CDH4: variants seen among roughly 807,000 people sequenced by gnomAD.
CDH4 encodes the protein cadherin 4.
Under a neutral mutation model 86.0 loss-of-function variants are expected in CDH4, and 33 were observed. The observed-to-expected ratio is 0.38, with a 90% confidence interval of 0.29 to 0.51. The LOEUF (loss-of-function observed/expected upper bound fraction) is 0.51. Ranked by LOEUF, CDH4 falls within the 20% of genes least tolerant of loss-of-function variation. The probability of loss-of-function intolerance (pLI) is 0.86; values close to 1 mark genes in which losing one functional copy is unlikely to be tolerated. For missense variants in CDH4, 1,114 were observed against 1,307.4 expected, an observed-to-expected ratio of 0.85 and a Z score of 2.28; for synonymous variants, 555 against 549.4, an observed-to-expected ratio of 1.01 and a Z score of -0.14.
intron 2 of CDH4, among the ~76,000 whole-genome samples, chr20:61,405,160 C>A (rs920542814): frequency 6.6e-6 from 1 of 152,024 alleles, no homozygotes; most frequent in East Asian, 1.9e-4. Flanking sequence ...GAGAGGTCCT[C>A]CATCCCCTCC....
intron 2 of CDH4, among the ~76,000 whole-genome samples, chr20:61,697,006 G>A (rs947790185): frequency 2.0e-5 from 3 of 152,174 alleles, no homozygotes; most frequent in African/African-American, 7.2e-5. Flanking sequence ...GAGCTCCCAG[G>A]GGCTGGAAGA....
intron 2 of CDH4, among the ~76,000 whole-genome samples, chr20:61,371,584 A>G (rs1406693752): frequency 6.6e-6 from 1 of 152,152 alleles, no homozygotes; most frequent in Non-Finnish European, 1.5e-5. Flanking sequence ...CTCATTCTGC[A>G]TTTGAACAAT....
intron 2 of CDH4, among the ~76,000 whole-genome samples, chr20:61,561,638 T>C (rs183638445): frequency 3.9e-5 from 6 of 152,234 alleles, no homozygotes; most frequent in Admixed American, 3.9e-4. Context: ...TGCCTGTTTT[T>C]ACAAATAAAG....
intron 2 of CDH4, among the ~76,000 whole-genome samples, chr20:61,729,542 C>T (rs117937894): frequency 1.4e-4 from 21 of 152,332 alleles, no homozygotes; most frequent in Non-Finnish European, 2.5e-4. Flanking sequence ...TTCGCCACAG[C>T]AGGGAGCTGC....
intron 2 of CDH4, among the ~76,000 whole-genome samples, chr20:61,345,578 C>T (rs1323929954): frequency 2.0e-5 from 3 of 152,238 alleles, no homozygotes; most frequent in African/African-American, 7.2e-5. Flanking sequence ...CTACCTGGGA[C>T]ACTCCTCACG....
At chr20:61,768,234 C>T (rs988271822) in intron 3 of CDH4, among the ~76,000 whole-genome samples, 9 of 152,190 alleles carry the variant, frequency 5.9e-5, no homozygotes, top group African/African-American at 2.2e-4. Context: ...CAATGCGTAC[C>T]TGTGCATGTG....
At chr20:61,343,378 C>T (rs2084658958) in intron 2 of CDH4, among the ~76,000 whole-genome samples, 1 of 152,056 alleles carries the variant, frequency 6.6e-6, no homozygotes, top group Non-Finnish European at 1.5e-5. Flanking sequence ...TGGCTGGGAG[C>T]CAGGAACATG....
chr20:61,628,831 C>A (rs1276112764), intron 2 of CDH4, among the ~76,000 whole-genome samples: 1 of 152,240 alleles, frequency 6.6e-6, no homozygotes, highest in Admixed American at 6.5e-5. Context: ...TGGGCACAGA[C>A]AAGTGTGTGG....
At position 61,676,656 on chromosome 20, in the gene CDH4, C is replaced by T. The variant is rs2087447563; in HGVS notation, c.170-66907C>T. 6.6e-6 allele frequency among the ~76,000 whole-genome samples: 1 copy of T among 152,170 alleles called. No individual in the cohort carries two copies. The highest frequency in any genetic ancestry group is 2.4e-5 in the African/African-American group (1 of 41,430). On this transcript the variant is annotated intron_variant, in intron 2 of 15. Coordinates refer to ENST00000614565, the MANE Select transcript of CDH4 (RefSeq NM_001794.5). This position sits in a 1 kb window ranked among gnomAD's most constrained non-coding sequence, Gnocchi z 4.5. ...TCTCTCAATTCTCTGCACATGCCCT[C>T]AACAAACAAACTCAATCCCACACAC... is the stretch of plus-strand genomic sequence containing the variant.
intron 2 of CDH4, among the ~76,000 whole-genome samples, chr20:61,669,064 C>T (rs530076124): frequency 2.6e-5 from 4 of 152,312 alleles, no homozygotes; most frequent in East Asian, 1.9e-4. Context: ...CCTTCACCCT[C>T]GGGGATGGTG....
chr20:61,813,925 C>A (rs867905146), intron 4 of CDH4, among the ~76,000 whole-genome samples: 1 of 152,198 alleles, frequency 6.6e-6, no homozygotes, highest in African/African-American at 2.4e-5. Flanking sequence ...CCCTGGCCCA[C>A]CTTGCTCACC....
In CDH4 at chr20:61,451,129, C is replaced by CGCT. The variant is rs1555851643; in HGVS notation, c.169+196192_169+196193insGCT. Among the ~76,000 whole-genome samples the CGCT allele has an allele frequency of 5.4e-4, 81 of 149,762 alleles. 1 individual carries two copies. The highest frequency in any genetic ancestry group is 3.4e-3 in the Middle Eastern group (1 of 290). On this transcript the variant is annotated intron_variant, in intron 2 of 15. Coordinates refer to ENST00000614565, the MANE Select transcript of CDH4 (RefSeq NM_001794.5). The stretch of plus-strand genomic sequence containing the variant: ...TTTTTCCCTCCCTCTCACGCCCCCC[C>CGCT]CCTTCCCTCCGTGTCATCCTGCCAC...
At chr20:61,699,019 G>A (rs1463156012) in intron 2 of CDH4, among the ~76,000 whole-genome samples, 1 of 152,262 alleles carries the variant, frequency 6.6e-6, no homozygotes, top group African/African-American at 2.4e-5. Flanking sequence ...AAGAATGGCC[G>A]CTGGCAGGTC....
At chr20:61,538,006 CTTGT>C (rs1448939461) in intron 2 of CDH4, among the ~76,000 whole-genome samples, 4 of 152,210 alleles carry the variant, frequency 2.6e-5, no homozygotes, top group Non-Finnish European at 5.9e-5. Context: ...AGTTCTCCCA[CTTGT>C]TTGAGCAATA....
chr20:61,885,155 T>TC (rs1182596241), intron 7 of CDH4, among the ~76,000 whole-genome samples: 3 of 152,158 alleles, frequency 2.0e-5, no homozygotes, highest in African/African-American at 7.2e-5. Flanking sequence ...TGCCTGTGCC[T>TC]TGAGAGGGAG....
chr20:61,758,466 G>A (rs1302220138), intron 3 of CDH4, among the ~76,000 whole-genome samples: 1 of 152,168 alleles, frequency 6.6e-6, no homozygotes, highest in Admixed American at 6.5e-5. Flanking sequence ...CGCAATCGGA[G>A]GCTCAAGGGC....
chr20:61,383,629 A>AT (rs796360539), intron 2 of CDH4, among the ~76,000 whole-genome samples: 4 of 27,804 alleles, frequency 1.4e-4, no homozygotes, highest in East Asian at 0.031. Context: ...TATGATATAT[A>AT]TCATATATGA....
At chr20:61,507,963 G>A (rs1274431656) in intron 2 of CDH4, among the ~76,000 whole-genome samples, 2 of 152,220 alleles carry the variant, frequency 1.3e-5, no homozygotes, top group African/African-American at 2.4e-5. Context: ...AATTTAAAAC[G>A]CCCATGACCC....
chr20:61,653,567 G>GACC (rs2087150399), intron 2 of CDH4, among the ~76,000 whole-genome samples: 2 of 133,736 alleles, frequency 1.5e-5, no homozygotes, highest in African/African-American at 2.7e-5. Context: ...GGCGGGGGCT[G>GACC]ACCCCCACCT....
Sources: allele counts gnomAD v4.1 joint callset (sites outside exome capture counted in the v4.1 genomes callset), GRCh38; gene constraint gnomAD v4.1.1; non-coding constraint Gnocchi (gnomAD v3.1); transcripts MANE v1.5; gene names NCBI Gene and HGNC (gene_info 2026-07-23, HGNC 2026-07-21).